FARSB: variants seen among roughly 807,000 people sequenced by gnomAD.
The protein encoded by FARSB is phenylalanyl-tRNA synthetase subunit beta.
FARSB carries 40 observed loss-of-function variants against 69.6 expected under a neutral mutation model. That is an observed-to-expected ratio of 0.57 (90% CI 0.45 to 0.75). The LOEUF is 0.75. FARSB is among the 30% of genes least tolerant of loss of function. FARSB has a pLI of 0.00. For missense variants in FARSB, 632 were observed against 722.9 expected (o/e 0.87, Z 1.44); for synonymous variants, 235 against 247.2 (o/e 0.95, Z 0.46).
chr2:222,637,111 C>T (rs533676377), intron 5 of FARSB, among the ~76,000 whole-genome samples: 1 of 152,078 alleles, frequency 6.6e-6, no homozygotes, highest in Non-Finnish European at 1.5e-5. Flanking sequence ...AAGTAAAAGA[C>T]TCACTAGGCA....
chr2:222,622,043 A>G (rs1244752495), intron 13 of FARSB, among the ~76,000 whole-genome samples: 1 of 152,232 alleles, frequency 6.6e-6, no homozygotes, highest in Non-Finnish European at 1.5e-5. Context: ...GCAGACAGGC[A>G]TGGGCGGGAA....
At chr2:222,628,961 T>G (rs1022942087) in intron 9 of FARSB, 73 bp from the exon 10 acceptor site, 2 of 1,035,376 alleles carry the variant, frequency 1.9e-6, no homozygotes, top group Non-Finnish European at 3.0e-6. Flanking sequence ...AGTATGGTTA[T>G]CAAATCTTTC....
intron 7 of FARSB, 55 bp downstream of exon 7, chr2:222,633,144 T>C: frequency 1.1e-6 from 1 of 880,848 alleles, no homozygotes; most frequent in South Asian, 1.4e-5. Context: ...TCTACAGAAA[T>C]GCTGAAGATT....
At chr2:222,589,164 G>C (rs986420243) in intron 16 of FARSB, among the ~76,000 whole-genome samples, 4 of 152,094 alleles carry the variant, frequency 2.6e-5, no homozygotes, top group Admixed American at 6.6e-5. Context: ...CCAAAACAGA[G>C]ATATAGACCA....
intron 5 of FARSB, among the ~76,000 whole-genome samples, chr2:222,636,549 C>T (rs1174546945): frequency 6.6e-6 from 1 of 151,442 alleles, no homozygotes; most frequent in Non-Finnish European, 1.5e-5. Context: ...TCAAAAAACA[C>T]AAAAAAAGGT....
In FARSB at chr2:222,571,602, A is replaced by T. The variant is rs1185382966; in HGVS notation, c.*269T>A. On this transcript the variant is annotated 3_prime_UTR_variant, in exon 17 of 17. Coordinates refer to ENST00000281828, the MANE Select transcript of FARSB (RefSeq NM_005687.5). ...GGAGCACGTCTGCCTTTCAGAACAG[A>T]TCCTGCACTCTGCTAGTGCATTTCT... The T allele has an allele frequency of 3.1e-6, 1 of 322,616 alleles. No homozygotes were observed. The highest frequency in any genetic ancestry group is 2.2e-5 in the African/African-American group (1 of 46,308). The allele number at this position is 322,616 out of a possible 1,614,324, so 20.0% of individuals were successfully genotyped here. A position where few individuals can be genotyped will look rare whatever the true frequency, so the allele number is the denominator to read the frequency against.
rs985301937 is a variant in FARSB at position 222,611,132 on chromosome 2, C to T, written c.1462+2679G>A. ...TATGTTTTCAAGATGGTAGACTTAC[C>T]AAGCACATTTACCTCCCTTCATTTC... On this transcript the variant is annotated intron_variant, in intron 15 of 16. Transcript: ENST00000281828. Among the ~76,000 whole-genome samples the T allele has an allele frequency of 5.3e-5, 8 of 152,186 alleles. No individual in the cohort carries two copies. In the East Asian group the frequency reaches 7.7e-4, roughly 15 times the overall value.
At chr2:222,582,835 G>A (rs113744803) in intron 16 of FARSB, among the ~76,000 whole-genome samples, 1,519 of 151,750 alleles carry the variant, frequency 0.01, 9 homozygotes, top group Non-Finnish European at 0.015. Flanking sequence ...TGAGGCAGGA[G>A]AATTGCTTGA....
chr2:222,655,110 T>A (rs911144715), intron 1 of FARSB, among the ~76,000 whole-genome samples: 1 of 151,692 alleles, frequency 6.6e-6, no homozygotes, highest in Non-Finnish European at 1.5e-5. Flanking sequence ...AGGCAGAAAA[T>A]TGCTTGAACA....
chr2:222,633,411 G>A, intron 6 of FARSB, 104 bp from the exon 7 acceptor site: 1 of 569,670 alleles, frequency 1.8e-6, no homozygotes, highest in East Asian at 3.5e-5. Flanking sequence ...CGCCAGGTGT[G>A]GTGGCTCATG....
chr2:222,616,219 T>C (rs1417082301), intron 14 of FARSB, among the ~76,000 whole-genome samples: 2 of 152,044 alleles, frequency 1.3e-5, no homozygotes, highest in Non-Finnish European at 2.9e-5. Context: ...AGTTGTAGAT[T>C]AACAGAGACA....
intron 10 of FARSB, 115 bp downstream of exon 10, chr2:222,628,722 C>A: frequency 1.4e-6 from 1 of 705,938 alleles, no homozygotes; most frequent in Non-Finnish European, 2.5e-6. Flanking sequence ...TAGTGTAGCG[C>A]CTGGCACACG....
At chr2:222,614,857 CATAA>C (rs1690955487) in intron 14 of FARSB, among the ~76,000 whole-genome samples, 1 of 151,938 alleles carries the variant, frequency 6.6e-6, no homozygotes, top group Non-Finnish European at 1.5e-5. Flanking sequence ...TAAATAAAAC[CATAA>C]ATAAATTAAA....
At chr2:222,574,436 G>A (rs1351962276) in intron 16 of FARSB, among the ~76,000 whole-genome samples, 1 of 152,090 alleles carries the variant, frequency 6.6e-6, no homozygotes, top group Non-Finnish European at 1.5e-5. Flanking sequence ...TGGACACATA[G>A]ACCCATCCAG....
chr2:222,575,963 T>C (rs1028588292), intron 16 of FARSB, among the ~76,000 whole-genome samples: 6 of 148,604 alleles, frequency 4.0e-5, no homozygotes, highest in Non-Finnish European at 8.9e-5. Flanking sequence ...TTTCACAGTT[T>C]CTTTTTGCCT....
chr2:222,569,275 C>G lies in FARSB; in HGVS notation c.*2596G>C. The G allele has an allele frequency of 6.6e-6, 1 of 152,132 alleles. No homozygotes were observed. The highest frequency in any genetic ancestry group is 1.9e-4 in the East Asian group (1 of 5,194). 9.4% of individuals were successfully genotyped at this position (152,132 alleles called of 1,614,324 possible). On this transcript the variant is annotated 3_prime_UTR_variant, in exon 17 of 17. Transcript: ENST00000281828. The stretch of plus-strand genomic sequence containing the variant: ...CATTACAAGTAATTTTGGCCACCCC[C>G]AAAAATATCCAGGTGGGTAGCTGCT...
chr2:222,655,022 C>T (rs1692133706), intron 1 of FARSB, among the ~76,000 whole-genome samples: 1 of 151,828 alleles, frequency 6.6e-6, no homozygotes, highest in South Asian at 2.1e-4. Flanking sequence ...GATGGTGAAA[C>T]CTGGTCTCTC....
At chr2:222,608,500 A>C (rs1186831539) in intron 15 of FARSB, among the ~76,000 whole-genome samples, 1 of 152,190 alleles carries the variant, frequency 6.6e-6, no homozygotes. Flanking sequence ...TGAAAGAACA[A>C]ACCAAATCAT....
chr2:222,641,547 C>T (rs1037337529), intron 3 of FARSB, among the ~76,000 whole-genome samples: 1 of 152,152 alleles, frequency 6.6e-6, no homozygotes, highest in Non-Finnish European at 1.5e-5. Context: ...TGTTGGGTGG[C>T]GACTAAGACT....
Sources: gnomAD v4.1 joint callset for allele counts (sites outside exome capture counted in the v4.1 genomes callset) on GRCh38, gnomAD v4.1.1 for gene constraint, MANE v1.5 for transcripts, NCBI Gene and HGNC (gene_info 2026-07-23, HGNC 2026-07-21) for gene names.